Variants in C8orf34 observed in about 807,000 individuals in gnomAD.
The protein encoded by C8orf34 is chromosome 8 open reading frame 34, also known as uncharacterized protein C8orf34.
C8orf34 carries 65 observed loss-of-function variants against 68.3 expected under a neutral mutation model. The ratio of observed to expected loss-of-function variants is 0.95; its 90% CI spans 0.78 to 1.17. C8orf34 has a LOEUF of 1.17. Ranked by LOEUF, C8orf34 falls within the 50% of genes most tolerant of loss-of-function variation. The pLI is 0.00. For synonymous variants in C8orf34, 244 were observed against 241.2 expected (o/e 1.01, Z -0.11); for missense variants, 664 against 655.4 (o/e 1.01, Z -0.14).
At chr8:68,758,321 G>A (rs1203841639) in intron 10 of C8orf34, among the ~76,000 whole-genome samples, 1 of 152,094 alleles carries the variant, frequency 6.6e-6, no homozygotes, top group Non-Finnish European at 1.5e-5. Context: ...TGTTTATTTT[G>A]TTTCTGTGGG....
chr8:68,439,508 A>T lies in C8orf34; in HGVS notation c.337A>T (p.Thr113Ser). ...TCTATTCTGCCTTCAGGAATTAATGACCAAGTTAATAACTGAGACACCTGA... is the reference window on the plus strand; with the variant it reads ...TCTATTCTGCCTTCAGGAATTAATGTCCAAGTTAATAACTGAGACACCTGA... The part of the protein sequence containing the change: ...KIGPLFEELM[T>S]KLITETPDQP... Residue 113 changes from threonine to serine, a missense_variant, in exon 2 of 14, where the codon ACC becomes TCC. Thr to Ser is a moderately conservative substitution (Grantham distance 58). Coordinates refer to ENST00000518698, the MANE Select transcript of C8orf34 (RefSeq NM_052958.4). 1 of 1,613,132 alleles carries T rather than the reference A, an allele frequency of 6.2e-7. No individual in the cohort carries two copies. Among genetic ancestry groups the T allele is most frequent in the South Asian group, 1.1e-5 (1 of 90,916 alleles).
chr8:68,350,104 A>C (rs1414504944), intron 1 of C8orf34, among the ~76,000 whole-genome samples: 1 of 151,794 alleles, frequency 6.6e-6, no homozygotes, highest in Non-Finnish European at 1.5e-5. Flanking sequence ...GGATATTTAG[A>C]GCTATGAATT....
chr8:68,661,325 G>A (rs1441531014), intron 8 of C8orf34, among the ~76,000 whole-genome samples: 1 of 152,218 alleles, frequency 6.6e-6, no homozygotes, highest in African/African-American at 2.4e-5. Context: ...ATGAAAAAGT[G>A]AAAGAGGTTT....
rs891968238 is a variant in C8orf34 at position 68,530,724 on chromosome 8, T to C, written c.939-2259T>C. On this transcript the variant is annotated intron_variant, in intron 6 of 13. Coordinates refer to ENST00000518698, the MANE Select transcript of C8orf34 (RefSeq NM_052958.4). ...TTCCACTATTAAAGAGTAAACATGA[T>C]TTTCTTTAAGTATTTGGAATGATAT... 1.8e-5 allele frequency: 11 copies of C among 627,248 alleles called. No homozygotes were observed. The African/African-American group carries it at 2.1e-4, about 12-fold the overall frequency. 38.9% of individuals were successfully genotyped at this position (627,248 alleles called of 1,614,324 possible).
At position 68,542,699 on chromosome 8, in the gene C8orf34, T is replaced by C. The variant is rs80116080; in HGVS notation, c.1105+9550T>C. Among the ~76,000 whole-genome samples the C allele has an allele frequency of 2.4e-4, 37 of 152,284 alleles. 1 individual carries two copies. In the East Asian group the frequency reaches 6.2e-3, roughly 25 times the overall value. On this transcript the variant is annotated intron_variant, in intron 7 of 13. Coordinates refer to ENST00000518698, the MANE Select transcript of C8orf34 (RefSeq NM_052958.4). The stretch of plus-strand genomic sequence containing the variant: ...CAACATAAAGCTTTCAACTGAGAGA[T>C]AGAAAGTCTTGAAAACATACATTTT...
intron 6 of C8orf34, among the ~76,000 whole-genome samples, chr8:68,523,244 C>G (rs900552238): frequency 6.6e-6 from 1 of 152,102 alleles, no homozygotes; most frequent in Non-Finnish European, 1.5e-5. Flanking sequence ...ACCTACTAGA[C>G]TTTTATCTTT....
At chr8:68,654,905 T>C (rs1180991597) in intron 8 of C8orf34, among the ~76,000 whole-genome samples, 1 of 152,152 alleles carries the variant, frequency 6.6e-6, no homozygotes, top group Non-Finnish European at 1.5e-5. Flanking sequence ...CTAGTATATA[T>C]AAACTAGAAT....
chr8:68,630,788 G>GT (rs1259583943), intron 7 of C8orf34, among the ~76,000 whole-genome samples: 9 of 150,798 alleles, frequency 6.0e-5, no homozygotes, highest in East Asian at 1.9e-4. Context: ...TTATATTTCA[G>GT]TTTTTTTTGC....
At chr8:68,517,644 A>G (rs1487107854) in intron 5 of C8orf34, among the ~76,000 whole-genome samples, 1 of 152,214 alleles carries the variant, frequency 6.6e-6, no homozygotes. Flanking sequence ...TTGATTTCCT[A>G]GTAAGCAACC....
chr8:68,376,102 A>G (rs1438900934), intron 1 of C8orf34, among the ~76,000 whole-genome samples: 1 of 152,042 alleles, frequency 6.6e-6, no homozygotes, highest in Non-Finnish European at 1.5e-5. Context: ...TCATATTTGT[A>G]TCTCCATGGC....
At chr8:68,387,772 T>C (rs1399732064) in intron 1 of C8orf34, among the ~76,000 whole-genome samples, 2 of 152,224 alleles carry the variant, frequency 1.3e-5, no homozygotes, top group African/African-American at 2.4e-5. Flanking sequence ...TCATCATTTA[T>C]TGAAATCTAA....
intron 12 of C8orf34, among the ~76,000 whole-genome samples, chr8:68,799,589 G>A (rs1024621198): frequency 2.6e-5 from 4 of 152,100 alleles, no homozygotes; most frequent in Non-Finnish European, 5.9e-5. Context: ...TTTCCAATGA[G>A]TCTCATAAAC....
At chr8:68,489,649 A>G (rs2380462) in intron 5 of C8orf34, among the ~76,000 whole-genome samples, 11,445 of 152,268 alleles carry the variant, frequency 0.075, 718 homozygotes, top group East Asian at 0.25. Context: ...TATTTGTGAC[A>G]TCGTGTCGAT....
chr8:68,717,070 G>A (rs1226538284), intron 9 of C8orf34, among the ~76,000 whole-genome samples: 1 of 151,914 alleles, frequency 6.6e-6, no homozygotes, highest in Admixed American at 6.5e-5. Context: ...TACTCCCACC[G>A]TGGCTGATTT....
intron 3 of C8orf34, among the ~76,000 whole-genome samples, chr8:68,466,174 C>G (rs1224529989): frequency 2.0e-5 from 3 of 151,852 alleles, no homozygotes; most frequent in Admixed American, 6.6e-5. Flanking sequence ...GCCAATAAAA[C>G]TAATCACATG....
At chr8:68,619,791 T>G (rs150331874) in intron 7 of C8orf34, among the ~76,000 whole-genome samples, 1 of 152,112 alleles carries the variant, frequency 6.6e-6, no homozygotes, top group African/African-American at 2.4e-5. Flanking sequence ...TTATAAATCA[T>G]AGTCACAATT....
chr8:68,491,767 C>T (rs1015947925), intron 5 of C8orf34, among the ~76,000 whole-genome samples: 76 of 152,138 alleles, frequency 5.0e-4, no homozygotes, highest in Non-Finnish European at 2.5e-4. Context: ...GGAACATATT[C>T]ACAGGTTTCG....
chr8:68,361,813 A>G lies in C8orf34; in HGVS notation c.327+30474A>G, dbSNP rs16934487. On this transcript the variant is annotated intron_variant, in intron 1 of 13. Coordinates refer to ENST00000518698, the MANE Select transcript of C8orf34 (RefSeq NM_052958.4). ...GGTGAATAAAGGCATACAAAATAGC[A>G]TGGTCTACAGAACTGTGAAATAATT... Among the ~76,000 whole-genome samples, 1,555 of 152,324 alleles carry G rather than the reference A, an allele frequency of 0.01. 45 individuals are homozygous for G. The East Asian group carries it at 0.1, about 10-fold the overall frequency.
chr8:68,746,803 G>A (rs1822512942), intron 10 of C8orf34, among the ~76,000 whole-genome samples: 3 of 150,864 alleles, frequency 2.0e-5, no homozygotes, highest in African/African-American at 7.3e-5. Context: ...TCTACCAGAG[G>A]TACAAGGAGG....
Sources: allele counts gnomAD v4.1 joint callset (sites outside exome capture counted in the v4.1 genomes callset), GRCh38; gene constraint gnomAD v4.1.1; transcripts MANE v1.5; gene names NCBI Gene and HGNC (gene_info 2026-07-23, HGNC 2026-07-21).